ARHGEF26: variants seen among roughly 807,000 people sequenced by gnomAD.
ARHGEF26 encodes Rho guanine nucleotide exchange factor (GEF) 26.
ARHGEF26 carries 59 observed loss-of-function variants against 89.4 expected under a neutral mutation model. The observed-to-expected ratio is 0.66, with a 90% confidence interval of 0.54 to 0.82. ARHGEF26 has a LOEUF of 0.82. ARHGEF26 is among the 40% of genes least tolerant of loss of function. ARHGEF26 has a pLI of 0.00. For synonymous variants in ARHGEF26, 500 were observed against 428.4 expected (o/e 1.17, Z -2.06); for missense variants, 1,234 against 1,085.6 (o/e 1.14, Z -1.92).
intron 7 of ARHGEF26, among the ~76,000 whole-genome samples, chr3:154,191,080 C>T (rs935379498): frequency 5.9e-5 from 9 of 152,118 alleles, no homozygotes; most frequent in African/African-American, 2.2e-4. Flanking sequence ...TATGTGAAAT[C>T]CACATCTTAT....
intron 12 of ARHGEF26, among the ~76,000 whole-genome samples, chr3:154,247,335 GATGCTTC>G (rs1717861289): frequency 6.6e-6 from 1 of 152,090 alleles, no homozygotes. Flanking sequence ...TGCTGTTTTT[GATGCTTC>G]TGTGTCAGAA....
At chr3:154,188,199 T>C (rs401162) in intron 7 of ARHGEF26, among the ~76,000 whole-genome samples, 1 of 152,106 alleles carries the variant, frequency 6.6e-6, no homozygotes, top group Non-Finnish European at 1.5e-5. Context: ...ATTCTTGAGT[T>C]GATTGAGCTA....
Position 154,257,230 on chromosome 3 carries a change from G to T in ARHGEF26, c.*1757G>T. ...TTTGACCTGTGCATACCTTCTAATT[G>T]TAAAATATATTTCAGACCGTGAGTA... On this transcript the variant is annotated 3_prime_UTR_variant, in exon 15 of 15. Transcript: ENST00000465093. 3.6e-6 allele frequency: 1 copy of T among 281,156 alleles called. No individual in the cohort carries two copies. Among genetic ancestry groups the T allele is most frequent in the Non-Finnish European group, 6.6e-6 (1 of 152,264 alleles). 17.4% of individuals were successfully genotyped at this position (281,156 alleles called of 1,614,324 possible).
At chr3:154,187,370 C>T (rs1190309421) in intron 6 of ARHGEF26, among the ~76,000 whole-genome samples, 1 of 144,336 alleles carries the variant, frequency 6.9e-6, no homozygotes, top group Non-Finnish European at 1.5e-5. Flanking sequence ...ACACTTGAAG[C>T]AATAACTTGA....
At chr3:154,221,862 T>C (rs1429683341) in intron 10 of ARHGEF26, among the ~76,000 whole-genome samples, 1 of 152,130 alleles carries the variant, frequency 6.6e-6, no homozygotes, top group Admixed American at 6.5e-5. Flanking sequence ...CTCACTCAGA[T>C]AGGAAATTCA....
In ARHGEF26 at chr3:154,256,575, ACCTTCCCAAATGAGCTGAT is replaced by A. The variant is rs1559934053; in HGVS notation, c.*1103_*1121del. 1.1e-5 allele frequency: 9 copies of A among 795,096 alleles called. No homozygotes were observed. The African/African-American group carries it at 1.2e-4, about 10-fold the overall frequency. The allele number at this position is 795,096 out of a possible 1,614,324, so 49.3% of individuals were successfully genotyped here. On this transcript the variant is annotated 3_prime_UTR_variant, in exon 15 of 15. Transcript: ENST00000465093. ...AAAAAAAAAAAAAAAAAAAAAAAAA[ACCTTCCCAAATGAGCTGAT>A]AAAAAACTGACGTGAGGCTGCTTTG...
chr3:154,255,700 A>G lies in ARHGEF26; in HGVS notation c.*227A>G. On this transcript the variant is annotated 3_prime_UTR_variant, in exon 15 of 15. Coordinates refer to ENST00000465093, the MANE Select transcript of ARHGEF26 (RefSeq NM_015595.4). Reference sequence around the variant, plus strand: ...TAACCACACACTTGCAGACCTCCTGAGGTACACAGAATAGCTGAGCAGTTC... The same window carrying G: ...TAACCACACACTTGCAGACCTCCTGGGGTACACAGAATAGCTGAGCAGTTC... 2.2e-6 allele frequency: 3 copies of G among 1,353,654 alleles called. No homozygotes were observed. The highest frequency in any genetic ancestry group is 2.8e-6 in the Non-Finnish European group (3 of 1,058,524). The allele number at this position is 1,353,654 out of a possible 1,614,324, so 83.9% of individuals were successfully genotyped here.
chr3:154,239,299 A>AGTGTGTGTGTGTGT (rs142191516), intron 11 of ARHGEF26, among the ~76,000 whole-genome samples: 3 of 64,326 alleles, frequency 4.7e-5, no homozygotes, highest in East Asian at 5.7e-4. Flanking sequence ...AGAGAGAGAG[A>AGTGTGTGTGTGTGT]GTGTGTGTGT....
intron 9 of ARHGEF26, among the ~76,000 whole-genome samples, chr3:154,203,653 C>T (rs756767575): frequency 3.9e-5 from 6 of 152,058 alleles, no homozygotes; most frequent in South Asian, 2.1e-4. Context: ...GGGGTATGCT[C>T]CTTCTATACC....
chr3:154,177,798 C>G (rs1712919095), intron 6 of ARHGEF26, among the ~76,000 whole-genome samples: 1 of 152,144 alleles, frequency 6.6e-6, no homozygotes, highest in Non-Finnish European at 1.5e-5. Flanking sequence ...GAAACACATA[C>G]AAAATCCACT....
intron 10 of ARHGEF26, among the ~76,000 whole-genome samples, chr3:154,219,317 G>A (rs908998920): frequency 6.6e-6 from 1 of 152,020 alleles, no homozygotes; most frequent in Non-Finnish European, 1.5e-5. Flanking sequence ...TGTCTAGGCC[G>A]GGCGAGGTGG....
rs1224060547 is a variant in ARHGEF26, at chr3:154,251,172, C to CT, written c.2301-1941dup. On this transcript the variant is annotated intron_variant, in intron 12 of 14. Transcript: ENST00000465093. The stretch of plus-strand genomic sequence containing the variant: ...AAACACCTGCTGCGTAACACCACCT[C>CT]TTTGATTTCAGACTGCCTGGGTTAG... 3.3e-5 allele frequency among the ~76,000 whole-genome samples: 5 copies of CT among 152,288 alleles called. No individual in the cohort carries two copies. The East Asian group carries it at 9.7e-4, about 29-fold the overall frequency.
chr3:154,186,116 C>T (rs1034602835), intron 6 of ARHGEF26, among the ~76,000 whole-genome samples: 4 of 143,222 alleles, frequency 2.8e-5, no homozygotes, highest in South Asian at 4.7e-4. Context: ...ATTATGCTAC[C>T]GTTTCTCTAC....
Position 154,125,899 on chromosome 3 carries a change from C to T in ARHGEF26, c.1123+1450C>T, listed in dbSNP as rs1320293748. On this transcript the variant is annotated intron_variant, in intron 3 of 14. Coordinates refer to ENST00000465093, the MANE Select transcript of ARHGEF26 (RefSeq NM_015595.4). ...ATGGTGAGAATCTGTGATATTAGAG[C>T]CAGGCAGACCTGGGTTCCTGTCTTG... 2.6e-5 allele frequency among the ~76,000 whole-genome samples: 4 copies of T among 151,998 alleles called. No homozygotes were observed. The East Asian group carries it at 7.7e-4, about 29-fold the overall frequency.
chr3:154,232,737 T>A (rs1716893997), intron 11 of ARHGEF26, among the ~76,000 whole-genome samples: 1 of 152,194 alleles, frequency 6.6e-6, no homozygotes, highest in Non-Finnish European at 1.5e-5. Context: ...TCCAGTCAAG[T>A]TGGTACTGTT....
intron 6 of ARHGEF26, among the ~76,000 whole-genome samples, chr3:154,161,318 A>G (rs370658673): frequency 7.3e-5 from 1 of 13,754 alleles, no homozygotes; most frequent in Non-Finnish European, 1.3e-4. Flanking sequence ...GCCTCAAGAA[A>G]TATCCATTTT....
intron 4 of ARHGEF26, among the ~76,000 whole-genome samples, chr3:154,140,082 A>G (rs1205595972): frequency 2.3e-5 from 3 of 132,816 alleles, no homozygotes; most frequent in Non-Finnish European, 4.7e-5. Context: ...CCTGGGCAAC[A>G]GGGAGCCCTT....
chr3:154,194,540 G>A, intron 8 of ARHGEF26, 104 bp from the exon 9 acceptor site: 1 of 769,222 alleles, frequency 1.3e-6, no homozygotes, highest in Non-Finnish European at 2.2e-6. Flanking sequence ...GTAATATCGT[G>A]TTTGGCATTG....
chr3:154,157,623 G>A (rs930150879), intron 6 of ARHGEF26, among the ~76,000 whole-genome samples: 1 of 152,078 alleles, frequency 6.6e-6, no homozygotes, highest in Non-Finnish European at 1.5e-5. Context: ...AAACTGACAG[G>A]GGCCTCCAAG....
Sources: gnomAD v4.1 joint callset for allele counts (sites outside exome capture counted in the v4.1 genomes callset) on GRCh38, gnomAD v4.1.1 for gene constraint, MANE v1.5 for transcripts, NCBI Gene and HGNC (gene_info 2026-07-23, HGNC 2026-07-21) for gene names.